Variants in HOOK3 observed in about 807,000 individuals in gnomAD.
The protein encoded by HOOK3 is hook microtubule tethering protein 3.
HOOK3 carries 24 observed loss-of-function variants against 116.3 expected under a neutral mutation model. The ratio of observed to expected loss-of-function variants is 0.21; its 90% confidence interval spans 0.15 to 0.29. HOOK3 has a LOEUF of 0.29. Ranked by LOEUF, HOOK3 falls within the 10% of genes least tolerant of loss-of-function variation. The pLI, the probability that HOOK3 is intolerant of heterozygous loss-of-function variation, is 1.00. For missense variants in HOOK3, 632 were observed against 830.2 expected (o/e 0.76, Z 2.93); for synonymous variants, 275 against 283.0 (o/e 0.97, Z 0.28).
chr8:42,913,289 C>T (rs1280810169), intron 2 of HOOK3, among the ~76,000 whole-genome samples: 1 of 152,190 alleles, frequency 6.6e-6, no homozygotes, highest in Non-Finnish European at 1.5e-5. Flanking sequence ...TTCTTTCCTG[C>T]TACCCTCTTT....
intron 15 of HOOK3, among the ~76,000 whole-genome samples, chr8:42,987,833 CTTTTT>C (rs998688300): frequency 2.0e-5 from 3 of 150,270 alleles, no homozygotes; most frequent in Middle Eastern, 3.4e-3. Context: ...GTTTTTTTTT[CTTTTT>C]TTGTTTTGTT....
chr8:42,994,966 T>C (rs1809238266), intron 15 of HOOK3, among the ~76,000 whole-genome samples: 2 of 152,382 alleles, frequency 1.3e-5, no homozygotes, highest in South Asian at 4.1e-4. Context: ...TTTAGTTGAA[T>C]ACATATTTCC....
chr8:42,936,135 ATTT>A (rs1376109268), intron 4 of HOOK3, among the ~76,000 whole-genome samples: 1 of 152,066 alleles, frequency 6.6e-6, no homozygotes, highest in Non-Finnish European at 1.5e-5. Flanking sequence ...ATTCCTAGGT[ATTT>A]TATTCTCTTA....
chr8:43,011,635 A>T (rs1942611981), intron 19 of HOOK3, among the ~76,000 whole-genome samples: 1 of 152,112 alleles, frequency 6.6e-6, no homozygotes, highest in Admixed American at 6.6e-5. Context: ...TCGCTGTAGG[A>T]GGTCAAGGCT....
At chr8:42,905,698 A>G (rs1351175167) in intron 1 of HOOK3, among the ~76,000 whole-genome samples, 1 of 151,138 alleles carries the variant, frequency 6.6e-6, no homozygotes, top group African/African-American at 2.4e-5. Context: ...TTGGCAGGAC[A>G]TTTCCCTTAA....
chr8:42,909,296 A>G (rs567162992), intron 2 of HOOK3, among the ~76,000 whole-genome samples: 10 of 152,236 alleles, frequency 6.6e-5, no homozygotes, highest in Non-Finnish European at 1.2e-4. Context: ...TTTTGTGTAT[A>G]TAGCCAAAGG....
Position 42,973,412 on chromosome 8 carries a change from A to T in HOOK3, c.1233+13A>T. ...AAAAGAAAAGGACGTGAGTATATATATTAGGCATTTTGGTTTTGAGCACTG... is the reference window on the plus strand; with the variant it reads ...AAAAGAAAAGGACGTGAGTATATATTTTAGGCATTTTGGTTTTGAGCACTG... On this transcript the variant is annotated intron_variant, in intron 12 of 21. Transcript: ENST00000307602. The T allele has an allele frequency of 6.4e-7, 1 of 1,573,460 alleles. No individual in the cohort carries two copies. The highest frequency in any genetic ancestry group is 8.6e-7 in the Non-Finnish European group (1 of 1,157,782).
intron 4 of HOOK3, among the ~76,000 whole-genome samples, chr8:42,939,631 C>G (rs1359002143): frequency 6.0e-5 from 9 of 149,724 alleles, no homozygotes; most frequent in Non-Finnish European, 1.0e-4. Context: ...CTGACCCCCC[C>G]ACCTCCCTCC....
At chr8:42,927,245 G>GTTTTTTTTTTT (rs1283654855) in intron 3 of HOOK3, among the ~76,000 whole-genome samples, 1 of 119,330 alleles carries the variant, frequency 8.4e-6, no homozygotes, top group African/African-American at 3.5e-5. Context: ...AATGGCACTG[G>GTTTTTTTTTTT]TTTTTTTTTT....
intron 11 of HOOK3, among the ~76,000 whole-genome samples, chr8:42,972,825 T>G (rs113866102): frequency 3.3e-5 from 5 of 152,178 alleles, no homozygotes; most frequent in Non-Finnish European, 7.3e-5. Flanking sequence ...CAACAACCAC[T>G]CATCTCCTTT....
At chr8:42,939,722 C>G (rs1366404024) in intron 4 of HOOK3, among the ~76,000 whole-genome samples, 1 of 150,090 alleles carries the variant, frequency 6.7e-6, no homozygotes, top group African/African-American at 2.5e-5. Context: ...CCTCACTTCT[C>G]AGACGGGGCG....
chr8:42,924,611 G>A (rs939716023), intron 2 of HOOK3, among the ~76,000 whole-genome samples: 3 of 151,984 alleles, frequency 2.0e-5, no homozygotes, highest in Non-Finnish European at 4.4e-5. Flanking sequence ...AGTATTAGGT[G>A]GTGGAGTTCA....
intron 2 of HOOK3, among the ~76,000 whole-genome samples, chr8:42,911,997 G>A: frequency 6.6e-6 from 1 of 152,186 alleles, no homozygotes; most frequent in East Asian, 1.9e-4. Context: ...TGTAAGTGTG[G>A]ATTAAATCAC....
intron 2 of HOOK3, among the ~76,000 whole-genome samples, chr8:42,919,656 G>A (rs539887802): frequency 3.5e-4 from 54 of 152,226 alleles, no homozygotes; most frequent in Non-Finnish European, 7.5e-4. Context: ...GGGCAACATT[G>A]AGCACTGAGT....
At chr8:42,925,712 A>G in intron 3 of HOOK3, 83 bp downstream of exon 3, 1 of 864,986 alleles carries the variant, frequency 1.2e-6, no homozygotes, top group Non-Finnish European at 1.8e-6. Context: ...TGATGTGTCC[A>G]GTGAGCTTTA....
chr8:42,925,476 T>C, intron 2 of HOOK3, 81 bp from the exon 3 acceptor site: 1 of 886,896 alleles, frequency 1.1e-6, no homozygotes, highest in Non-Finnish European at 1.8e-6. Flanking sequence ...GTTAAGTGAT[T>C]ATATGGGATG....
chr8:42,916,723 G>A (rs1807540739), intron 2 of HOOK3, among the ~76,000 whole-genome samples: 3 of 152,144 alleles, frequency 2.0e-5, no homozygotes, highest in Admixed American at 2.0e-4. Context: ...TGCTATTTCT[G>A]TAAATCAGTG....
chr8:42,905,474 G>A (rs1228968650), intron 1 of HOOK3, among the ~76,000 whole-genome samples: 1 of 151,882 alleles, frequency 6.6e-6, no homozygotes, highest in Admixed American at 6.6e-5. Context: ...TAAATCAACA[G>A]GAGATTGGCT....
rs377485122 is a variant in HOOK3, at chr8:42,906,288, A to G, written c.143+30A>G. ...GAATAAATTGCTTATCTTTATGTGT[A>G]TTCTTATGCATGGATATTTGTTAGG... On this transcript the variant is annotated intron_variant, in intron 2 of 21. Transcript: ENST00000307602. 7.3e-6 allele frequency: 10 copies of G among 1,367,546 alleles called. No individual in the cohort carries two copies. In the African/African-American group the frequency reaches 1.2e-4, roughly 16 times the overall value. The allele number at this position is 1,367,546 out of a possible 1,614,324, so 84.7% of individuals were successfully genotyped here.
Sources: allele counts gnomAD v4.1 joint callset (sites outside exome capture counted in the v4.1 genomes callset), GRCh38; gene constraint gnomAD v4.1.1; transcripts MANE v1.5; gene names NCBI Gene and HGNC (gene_info 2026-07-23, HGNC 2026-07-21).